GXYLT2: variants seen among roughly 807,000 people sequenced by gnomAD.
The protein encoded by GXYLT2 is glucoside xylosyltransferase 2.
A neutral mutation model predicts 45.8 loss-of-function variants in GXYLT2; 53 were observed. The observed-to-expected ratio is 1.16, with a 90% CI of 0.93 to 1.46. The LOEUF (loss-of-function observed/expected upper bound fraction) is 1.46. GXYLT2 is among the 40% of genes most tolerant of loss of function. The pLI, the probability that GXYLT2 is intolerant of heterozygous loss-of-function variation, is 0.00. For synonymous variants in GXYLT2, 219 were observed against 214.2 expected, an observed-to-expected ratio of 1.02 and a Z score of -0.19; for missense variants, 551 against 544.4, an observed-to-expected ratio of 1.01 and a Z score of -0.12.
chr3:72,924,641 G>A (rs1240585251), intron 3 of GXYLT2, among the ~76,000 whole-genome samples: 1 of 152,124 alleles, frequency 6.6e-6, no homozygotes. Context: ...TCACTAACTT[G>A]GTTTGGGCTT....
At chr3:72,913,486 G>A (rs1709675439) in intron 2 of GXYLT2, among the ~76,000 whole-genome samples, 2 of 151,782 alleles carry the variant, frequency 1.3e-5, no homozygotes, top group African/African-American at 4.8e-5. Flanking sequence ...CCTGAGGTCC[G>A]GAGTTCGAGA....
intron 3 of GXYLT2, among the ~76,000 whole-genome samples, chr3:72,945,278 A>G (rs1256257622): frequency 7.0e-6 from 1 of 143,506 alleles, no homozygotes; most frequent in African/African-American, 2.6e-5. Flanking sequence ...ACTGAGCAAG[A>G]CTCCATCTCA....
intron 3 of GXYLT2, among the ~76,000 whole-genome samples, chr3:72,930,861 T>C (rs1710017475): frequency 6.6e-6 from 1 of 152,100 alleles, no homozygotes; most frequent in Non-Finnish European, 1.5e-5. Flanking sequence ...CCCAAAGTGC[T>C]AGGATTACAG....
chr3:72,893,165 C>T (rs968052023), intron 1 of GXYLT2, among the ~76,000 whole-genome samples: 2 of 152,186 alleles, frequency 1.3e-5, no homozygotes, highest in Non-Finnish European at 2.9e-5. Flanking sequence ...TCCTGTCACA[C>T]TAAGAATAAC....
chr3:72,906,672 G>T (rs760209369), intron 1 of GXYLT2, among the ~76,000 whole-genome samples: 1 of 152,088 alleles, frequency 6.6e-6, no homozygotes, highest in Non-Finnish European at 1.5e-5. Context: ...ATTAATAAAT[G>T]GTCTGAAGTT....
chr3:72,938,860 C>G (rs1710241572), intron 3 of GXYLT2, among the ~76,000 whole-genome samples: 1 of 152,196 alleles, frequency 6.6e-6, no homozygotes, highest in South Asian at 2.1e-4. Context: ...GAAGAACCAT[C>G]TTGAACAAAG....
chr3:72,974,886 C>A (rs557393126), intron 6 of GXYLT2, 91 bp from the exon 7 acceptor site: 33 of 972,042 alleles, frequency 3.4e-5, no homozygotes, highest in Non-Finnish European at 5.0e-5. Flanking sequence ...GTGGGCTTAT[C>A]GTAATTCCTG....
chr3:72,902,343 T>C (rs1709425355), intron 1 of GXYLT2, among the ~76,000 whole-genome samples: 1 of 152,208 alleles, frequency 6.6e-6, no homozygotes, highest in Admixed American at 6.5e-5. Context: ...CCTAAGTACA[T>C]TTATTTTTAA....
At position 72,916,226 on chromosome 3, in the gene GXYLT2, C is replaced by A. The variant is rs76550053; in HGVS notation, c.469-5978C>A. Among the ~76,000 whole-genome samples, 349 of 150,748 alleles carry A rather than the reference C, an allele frequency of 2.3e-3. 1 individual carries two copies. Among genetic ancestry groups the A allele is most frequent in the African/African-American group, 7.9e-3 (325 of 40,944 alleles). On this transcript the variant is annotated intron_variant, in intron 2 of 6. Transcript: ENST00000389617. Reference sequence around the variant, plus strand: ...TTCACTGATGTGAGTTGAGATGGAGCCTCCATGAGTTTGGCCCCTGAGTGA... The same window carrying A: ...TTCACTGATGTGAGTTGAGATGGAGACTCCATGAGTTTGGCCCCTGAGTGA...
chr3:72,912,069 G>GGCAT, intron 2 of GXYLT2, among the ~76,000 whole-genome samples: 1 of 145,274 alleles, frequency 6.9e-6, no homozygotes, highest in African/African-American at 2.6e-5. Flanking sequence ...GAAGTGCAGT[G>GGCAT]GCATGATCTT....
chr3:72,952,163 C>T (rs759128378), intron 3 of GXYLT2, among the ~76,000 whole-genome samples: 5 of 151,892 alleles, frequency 3.3e-5, no homozygotes, highest in African/African-American at 4.8e-5. Flanking sequence ...CCACAACCCC[C>T]GGCTAATTTT....
chr3:72,941,132 C>T (rs1397448231), intron 3 of GXYLT2, among the ~76,000 whole-genome samples: 1 of 152,148 alleles, frequency 6.6e-6, no homozygotes, highest in Non-Finnish European at 1.5e-5. Flanking sequence ...TCTTTCTGAC[C>T]ATGTGTTCTG....
chr3:72,898,740 T>C (rs2107064556), intron 1 of GXYLT2, among the ~76,000 whole-genome samples: 1 of 150,360 alleles, frequency 6.7e-6, no homozygotes. Flanking sequence ...TTTTCTTTTC[T>C]TTTTTTTTCA....
At chr3:72,897,522 G>A (rs934373190) in intron 1 of GXYLT2, among the ~76,000 whole-genome samples, 22 of 152,182 alleles carry the variant, frequency 1.4e-4, no homozygotes. Context: ...CTTACAGCTG[G>A]TGGGGTGAGG....
At chr3:72,936,743 A>G (rs1710190233) in intron 3 of GXYLT2, among the ~76,000 whole-genome samples, 1 of 152,220 alleles carries the variant, frequency 6.6e-6, no homozygotes, top group African/African-American at 2.4e-5. Flanking sequence ...AGAGAGGGAA[A>G]GTATTGCTAC....
At chr3:72,939,608 A>G (rs1575802282) in intron 3 of GXYLT2, among the ~76,000 whole-genome samples, 1 of 152,290 alleles carries the variant, frequency 6.6e-6, no homozygotes, top group East Asian at 1.9e-4. Flanking sequence ...ACATAAAATT[A>G]AAGGGAAGTA....
intron 2 of GXYLT2, among the ~76,000 whole-genome samples, chr3:72,921,499 C>A (rs1027460043): frequency 6.6e-6 from 1 of 152,210 alleles, no homozygotes; most frequent in Non-Finnish European, 1.5e-5. Flanking sequence ...GTGGCACGAT[C>A]TCACTGCAAC....
At chr3:72,888,572 A>G in intron 1 of GXYLT2, 64 bp downstream of exon 1, 1 of 1,047,748 alleles carries the variant, frequency 9.5e-7, no homozygotes, top group Non-Finnish European at 1.2e-6. Flanking sequence ...CACCCGTGCC[A>G]AGTCCAAGGG....
intron 5 of GXYLT2, among the ~76,000 whole-genome samples, chr3:72,967,319 CTCT>C (rs907124618): frequency 4.6e-5 from 7 of 152,154 alleles, no homozygotes; most frequent in African/African-American, 7.2e-5. Flanking sequence ...ATGCAACACT[CTCT>C]TCTTTTTTTG....
Sources: gnomAD v4.1 joint callset for allele counts (sites outside exome capture counted in the v4.1 genomes callset) on GRCh38, gnomAD v4.1.1 for gene constraint, MANE v1.5 for transcripts, NCBI Gene and HGNC (gene_info 2026-07-23, HGNC 2026-07-21) for gene names.